The following PCDHA13 variants were observed in gnomAD, a reference collection of about 807,000 sequenced individuals.
PCDHA13 encodes protocadherin alpha-13.
A neutral mutation model predicts 64.8 loss-of-function variants in PCDHA13; 54 were observed. The observed-to-expected ratio is 0.83, with a 90% CI of 0.67 to 1.04. The LOEUF is 1.04. PCDHA13 is among the 50% of genes least tolerant of loss of function. PCDHA13 has a pLI of 0.00. For synonymous variants in PCDHA13, 587 were observed against 564.4 expected (o/e 1.04, Z -0.57); for missense variants, 1,248 against 1,254.3 (o/e 0.99, Z 0.08).
At chr5:140,980,094 TA>T (rs1554241421) in intron 2 of PCDHA13, among the ~76,000 whole-genome samples, 1 of 152,218 alleles carries the variant, frequency 6.6e-6, no homozygotes, top group African/African-American at 2.4e-5. Context: ...GTTGGCTTGG[TA>T]AGATGTCACA....
At chr5:141,004,564 T>C (rs1205705593) in intron 3 of PCDHA13, among the ~76,000 whole-genome samples, 1 of 152,196 alleles carries the variant, frequency 6.6e-6, no homozygotes, top group Non-Finnish European at 1.5e-5. Flanking sequence ...AAGATGAACA[T>C]ATCTCTGTGT....
At chr5:140,955,654 AT>A (rs1264049969) in intron 1 of PCDHA13, among the ~76,000 whole-genome samples, 1 of 152,208 alleles carries the variant, frequency 6.6e-6, no homozygotes, top group Non-Finnish European at 1.5e-5. Flanking sequence ...TAATACACAT[AT>A]GAATTTTAAC....
At chr5:140,899,032 A>G (rs1377878756) in intron 1 of PCDHA13, among the ~76,000 whole-genome samples, 2 of 151,890 alleles carry the variant, frequency 1.3e-5, no homozygotes, top group African/African-American at 4.8e-5. Context: ...ATTTTTGTAC[A>G]TTGATTTTGT....
intron 1 of PCDHA13, among the ~76,000 whole-genome samples, chr5:140,971,541 G>A (rs544682624): frequency 6.6e-6 from 1 of 152,172 alleles, no homozygotes; most frequent in Non-Finnish European, 1.5e-5. Context: ...ATCATTGCCA[G>A]ATCAACCTGT....
intron 1 of PCDHA13, among the ~76,000 whole-genome samples, chr5:140,893,800 T>C (rs1483033571): frequency 6.6e-6 from 1 of 152,174 alleles, no homozygotes; most frequent in Non-Finnish European, 1.5e-5. Flanking sequence ...ATTCCCTCCT[T>C]GTCTTGAGTC....
intron 1 of PCDHA13, among the ~76,000 whole-genome samples, chr5:140,906,693 G>A (rs887867103): frequency 6.6e-6 from 1 of 152,082 alleles, no homozygotes; most frequent in African/African-American, 2.4e-5. Context: ...GAAGGATCTG[G>A]GCCATTTGTA....
intron 3 of PCDHA13, among the ~76,000 whole-genome samples, chr5:140,999,590 C>T (rs951986017): frequency 3.3e-5 from 5 of 152,132 alleles, no homozygotes; most frequent in Non-Finnish European, 7.3e-5. Context: ...AAATTGCCTT[C>T]CCTACATCCT....
rs78358581 is a variant in PCDHA13 at position 140,924,264 on chromosome 5, T to G, written c.2394+39602T>G. 2.9e-3 allele frequency among the ~76,000 whole-genome samples: 442 copies of G among 152,342 alleles called. 1 individual carries two copies. Among genetic ancestry groups the G allele is most frequent in the African/African-American group, 0.01 (423 of 41,584 alleles). On this transcript the variant is annotated intron_variant, in intron 1 of 3. Coordinates refer to ENST00000289272, the MANE Select transcript of PCDHA13 (RefSeq NM_018904.3). Reference sequence around the variant, plus strand: ...TGCATCCTGGTGAGATCTAATGAGGTCTGTACTTGTGACTACCTAATAGGC... The same window carrying G: ...TGCATCCTGGTGAGATCTAATGAGGGCTGTACTTGTGACTACCTAATAGGC...
chr5:140,994,303 C>T (rs13163241), intron 3 of PCDHA13, among the ~76,000 whole-genome samples: 9,825 of 152,220 alleles, frequency 0.065, 357 homozygotes, highest in East Asian at 0.12. Flanking sequence ...ATTGTTTTCA[C>T]AGGGCCCAAA....
At chr5:140,913,235 G>A (rs1554195817) in intron 1 of PCDHA13, among the ~76,000 whole-genome samples, 4 of 152,144 alleles carry the variant, frequency 2.6e-5, no homozygotes. Context: ...TTTGCTGGGA[G>A]ACTTTTTGTT....
chr5:140,967,876 G>T, intron 1 of PCDHA13: 1 of 1,614,144 alleles, frequency 6.2e-7, no homozygotes, highest in Non-Finnish European at 8.5e-7. Context: ...TCACGGACCT[G>T]TATAGCCCAG....
rs781883324 is a variant in PCDHA13 at position 140,927,514 on chromosome 5, G to A, written c.2394+42852G>A. 3.2e-5 allele frequency: 52 copies of A among 1,613,938 alleles called. No individual in the cohort carries two copies. The highest frequency in any genetic ancestry group is 4.2e-5 in the Non-Finnish European group (49 of 1,180,040). ...CCTGCTGGTGCTTACAGCTCGGGAC[G>A]GCGGGCTACCTGCCCGCTCAGGAGA... On this transcript the variant is annotated intron_variant, in intron 1 of 3. Coordinates refer to ENST00000289272, the MANE Select transcript of PCDHA13 (RefSeq NM_018904.3).
At chr5:140,967,815 A>G in intron 1 of PCDHA13, 1 of 1,614,180 alleles carries the variant, frequency 6.2e-7, no homozygotes. Context: ...GGTCACTGCA[A>G]GGTGCTGGTG....
chr5:140,957,792 T>C (rs148659760), intron 1 of PCDHA13, among the ~76,000 whole-genome samples: 1 of 152,230 alleles, frequency 6.6e-6, no homozygotes, highest in East Asian at 1.9e-4. Flanking sequence ...TCATCATATA[T>C]GTTAAGTAAA....
chr5:140,965,011 A>T (rs1418726287), intron 1 of PCDHA13, among the ~76,000 whole-genome samples: 1 of 152,186 alleles, frequency 6.6e-6, no homozygotes, highest in Non-Finnish European at 1.5e-5. Context: ...TGTCAGGATC[A>T]CAACCTTGGC....
rs77308266 is a variant in PCDHA13 at position 140,916,313 on chromosome 5, A to C, written c.2394+31651A>C. On this transcript the variant is annotated intron_variant, in intron 1 of 3. Transcript: ENST00000289272. ...GCCAAACTGGTACCAAAGGTGCAAG[A>C]CAAAGTCCCCTTTACTTTTTCCTCT... Among the ~76,000 whole-genome samples the C allele has an allele frequency of 8.0e-3, 1,216 of 152,336 alleles. 6 individuals are homozygous for C. The highest frequency in any genetic ancestry group is 0.019 in the African/African-American group (784 of 41,584).
chr5:140,913,960 T>A (rs114058923), intron 1 of PCDHA13, among the ~76,000 whole-genome samples: 2,762 of 152,276 alleles, frequency 0.018, 70 homozygotes, highest in African/African-American at 0.054. Context: ...ATATCATTTT[T>A]AAAAAAATAT....
chr5:140,977,850 T>C (rs1416064195), intron 1 of PCDHA13, among the ~76,000 whole-genome samples: 5 of 152,236 alleles, frequency 3.3e-5, no homozygotes, highest in African/African-American at 1.2e-4. Flanking sequence ...TATGGCTTTG[T>C]TTCTACCAAA....
At chr5:140,976,971 C>A (rs2096740170) in intron 1 of PCDHA13, among the ~76,000 whole-genome samples, 1 of 152,138 alleles carries the variant, frequency 6.6e-6, no homozygotes, top group Non-Finnish European at 1.5e-5. Flanking sequence ...TTTCCTTTTC[C>A]CTGCCTGATC....
Sources: gnomAD v4.1 joint callset for allele counts (sites outside exome capture counted in the v4.1 genomes callset) on GRCh38, gnomAD v4.1.1 for gene constraint, MANE v1.5 for transcripts, NCBI Gene and HGNC (gene_info 2026-07-23, HGNC 2026-07-21) for gene names.